PLD1: variants seen among roughly 807,000 people sequenced by gnomAD.
PLD1 encodes phospholipase D1, also known as choline phosphatase 1.
PLD1 carries 112 observed loss-of-function variants against 137.1 expected under a neutral mutation model. The observed-to-expected ratio is 0.82, with a 90% CI of 0.70 to 0.96. PLD1 has a LOEUF of 0.96. Ranked by LOEUF, PLD1 falls within the 40% of genes least tolerant of loss-of-function variation. PLD1 has a pLI of 0.00. For synonymous variants in PLD1, 431 were observed against 454.7 expected (o/e 0.95, Z 0.66); for missense variants, 1,321 against 1,342.0 (o/e 0.98, Z 0.24).
At chr3:171,793,688 T>C (rs1723310457) in intron 1 of PLD1, 1 of 152,232 alleles carries the variant, frequency 6.6e-6, no homozygotes, top group Non-Finnish European at 1.5e-5. Context: ...CTGGCAATGC[T>C]GGCAGGATGG....
At chr3:171,662,762 C>A (rs1711642588) in intron 19 of PLD1, among the ~76,000 whole-genome samples, 1 of 152,308 alleles carries the variant, frequency 6.6e-6, no homozygotes, top group South Asian at 2.1e-4. Context: ...TTCATTCTAC[C>A]TTTAATAGCT....
chr3:171,688,640 G>A (rs775856999), intron 14 of PLD1, 36 bp downstream of exon 14: 29 of 1,427,618 alleles, frequency 2.0e-5, no homozygotes, highest in African/African-American at 1.7e-4. Context: ...AATTATGTTC[G>A]TGTTATACAT....
At chr3:171,777,261 GAA>G (rs2108337395) in intron 1 of PLD1, among the ~76,000 whole-genome samples, 1 of 152,320 alleles carries the variant, frequency 6.6e-6, no homozygotes, top group South Asian at 2.1e-4. Context: ...TGTTGTGTGT[GAA>G]AAGAGTTCAA....
intron 1 of PLD1, among the ~76,000 whole-genome samples, chr3:171,769,668 C>T (rs1161074955): frequency 6.6e-6 from 1 of 152,188 alleles, no homozygotes; most frequent in Non-Finnish European, 1.5e-5. Context: ...AAATGGCATG[C>T]AGCCATAACA....
At chr3:171,611,908 G>A (rs923041661) in intron 25 of PLD1, among the ~76,000 whole-genome samples, 3 of 151,858 alleles carry the variant, frequency 2.0e-5, no homozygotes, top group Non-Finnish European at 4.4e-5. Flanking sequence ...AGCGAGACAC[G>A]GTATCTACAA....
intron 19 of PLD1, among the ~76,000 whole-genome samples, chr3:171,669,080 G>C (rs1400811622): frequency 6.6e-6 from 1 of 152,108 alleles, no homozygotes; most frequent in Non-Finnish European, 1.5e-5. Context: ...TCAGCTGTCA[G>C]GTCTAGATAA....
Position 171,748,067 on chromosome 3 carries a change from C to T in PLD1, c.-31-9985G>A, listed in dbSNP as rs148426809. On this transcript the variant is annotated intron_variant, in intron 1 of 26. Coordinates refer to ENST00000351298, the MANE Select transcript of PLD1 (RefSeq NM_002662.5). ...AAAAACAACATATTCTAAGTGACAT[C>T]ACCCAGAAGACAAAAACTAGCCCAA... Among the ~76,000 whole-genome samples, 32 of 152,314 alleles carry T rather than the reference C, an allele frequency of 2.1e-4. No individual in the cohort carries two copies. In the East Asian group the frequency reaches 5.6e-3, roughly 27 times the overall value.
intron 23 of PLD1, among the ~76,000 whole-genome samples, chr3:171,637,452 C>T (rs1735230226): frequency 6.6e-6 from 1 of 152,062 alleles, no homozygotes; most frequent in African/African-American, 2.4e-5. Flanking sequence ...CCAGGATGGT[C>T]TCGATCTCTT....
intron 7 of PLD1, 90 bp from the exon 8 acceptor site, chr3:171,724,878 A>T (rs145467003): frequency 1.0e-5 from 8 of 795,740 alleles, no homozygotes; most frequent in South Asian, 2.7e-5. Flanking sequence ...TAAATAAACC[A>T]TCTCATTCTC....
chr3:171,708,746 A>T lies in PLD1; in HGVS notation c.1145+9T>A. 1 of 1,512,554 alleles carries T rather than the reference A, an allele frequency of 6.6e-7. No homozygotes were observed. The highest frequency in any genetic ancestry group is 1.4e-5 in the African/African-American group (1 of 73,042). The allele number at this position is 1,512,554 out of a possible 1,614,324, so 93.7% of individuals were successfully genotyped here. A position where few individuals can be genotyped will look rare whatever the true frequency, so the allele number is the denominator to read the frequency against. Reference sequence around the variant, plus strand: ...TTCCAGAAAAAAATTCCCAGGGACAAATACTAACCACCAGTCTGTGATAAA... The same window carrying T: ...TTCCAGAAAAAAATTCCCAGGGACATATACTAACCACCAGTCTGTGATAAA... On this transcript the variant is annotated intron_variant, in intron 11 of 26. Coordinates refer to ENST00000351298, the MANE Select transcript of PLD1 (RefSeq NM_002662.5).
intron 21 of PLD1, among the ~76,000 whole-genome samples, chr3:171,650,993 G>A (rs1736710366): frequency 6.6e-6 from 1 of 152,092 alleles, no homozygotes; most frequent in Non-Finnish European, 1.5e-5. Context: ...ATGTAGATGG[G>A]TCACAGCAGT....
chr3:171,709,125 ACTTACATACAGTTTTT>A (rs753238182), intron 10 of PLD1, among the ~76,000 whole-genome samples: 1 of 152,232 alleles, frequency 6.6e-6, no homozygotes, highest in Non-Finnish European at 1.5e-5. Flanking sequence ...ATCCTGTTGA[ACTTACATACAGTTTTT>A]CTTACATACA....
rs1341091981 is a variant in PLD1 at position 171,734,907 on chromosome 3, T to A, written c.498A>T (p.Ser166=). The A allele has an allele frequency of 6.2e-7, 1 of 1,613,308 alleles. No individual in the cohort carries two copies. Among genetic ancestry groups the A allele is most frequent in the African/African-American group, 1.3e-5 (1 of 74,920 alleles). The change falls in exon 5 of 27, where the codon TCA becomes TCT. Residue 166 remains serine (S), a synonymous_variant. Transcript: ENST00000351298. ...EPREMPSLPR[S]SENMIREEQF... ...GTTCTTCTCTTATCATGTTTTCAGATGAACGGGGCAAACTGGGCATCTCTC... is the reference window on the plus strand; with the variant it reads ...GTTCTTCTCTTATCATGTTTTCAGAAGAACGGGGCAAACTGGGCATCTCTC...
chr3:171,806,970 T>C (rs929942336), intron 1 of PLD1, among the ~76,000 whole-genome samples: 6 of 152,216 alleles, frequency 3.9e-5, no homozygotes, highest in African/African-American at 1.4e-4. Context: ...AGATAAGATT[T>C]GTTAAACAGT....
At chr3:171,653,284 A>T (rs1736932726) in intron 21 of PLD1, 1 of 152,270 alleles carries the variant, frequency 6.6e-6, no homozygotes, top group Admixed American at 6.5e-5. Context: ...TGCTGATTTC[A>T]ATTAGAAGGC....
chr3:171,729,802 T>A (rs7616441), intron 6 of PLD1, among the ~76,000 whole-genome samples: 1 of 152,010 alleles, frequency 6.6e-6, no homozygotes, highest in Non-Finnish European at 1.5e-5. Flanking sequence ...ATGAAAACAC[T>A]GTGTGCACGT....
chr3:171,724,229 C>T (rs1283929733), intron 8 of PLD1, among the ~76,000 whole-genome samples: 1 of 152,204 alleles, frequency 6.6e-6, no homozygotes, highest in Non-Finnish European at 1.5e-5. Flanking sequence ...AAAGTGGCTG[C>T]ACCATTTTAC....
At position 171,738,082 on chromosome 3, in the gene PLD1, G is replaced by T; in HGVS notation, c.-31C>A. On this transcript the variant is annotated splice_region_variant and 5_prime_UTR_variant, in exon 2 of 27. Transcript: ENST00000351298. Reference sequence around the variant, plus strand: ...CTTTGGACAGAGTAAAAGCAAAGGGGCTAGGAAAGAAGAAAACGGTTACAA... The same window carrying T: ...CTTTGGACAGAGTAAAAGCAAAGGGTCTAGGAAAGAAGAAAACGGTTACAA... The T allele has an allele frequency of 2.6e-6, 4 of 1,565,900 alleles. No individual in the cohort carries two copies. Among genetic ancestry groups the T allele is most frequent in the Non-Finnish European group, 3.5e-6 (4 of 1,153,872 alleles).
intron 1 of PLD1, among the ~76,000 whole-genome samples, chr3:171,766,342 A>C (rs1721972394): frequency 1.3e-5 from 2 of 152,112 alleles, no homozygotes; most frequent in Admixed American, 1.3e-4. Context: ...TAAAATACCA[A>C]TATGTAGAAA....
Sources: allele counts gnomAD v4.1 joint callset (sites outside exome capture counted in the v4.1 genomes callset), GRCh38; gene constraint gnomAD v4.1.1; transcripts MANE v1.5; gene names NCBI Gene and HGNC (gene_info 2026-07-23, HGNC 2026-07-21).